CDH12: variants seen among roughly 807,000 people sequenced by gnomAD.
CDH12 encodes the protein cadherin 12.
In CDH12, 41 loss-of-function variants were observed where a neutral mutation model predicts 74.1. That is an observed-to-expected ratio of 0.55 (90% confidence interval 0.43 to 0.72). The LOEUF is 0.72. Ranked by LOEUF, CDH12 falls within the 30% of genes least tolerant of loss-of-function variation. The probability of loss-of-function intolerance (pLI) is 0.00; values close to 1 mark genes in which losing one functional copy is unlikely to be tolerated. For missense variants in CDH12, 945 were observed against 977.2 expected (o/e 0.97, Z 0.44); for synonymous variants, 399 against 355.0 (o/e 1.12, Z -1.39).
chr5:22,102,787 G>A (rs1744220004), intron 4 of CDH12, among the ~76,000 whole-genome samples: 1 of 152,140 alleles, frequency 6.6e-6, no homozygotes, highest in Non-Finnish European at 1.5e-5. Flanking sequence ...GAACTCCGTG[G>A]ATTAATGCAG....
chr5:21,821,357 A>T (rs1279095349), intron 8 of CDH12, among the ~76,000 whole-genome samples: 3 of 152,020 alleles, frequency 2.0e-5, no homozygotes, highest in African/African-American at 7.2e-5. Context: ...CTTTACTTAA[A>T]AATAAAGATT....
chr5:22,210,833 TA>T (rs34486582), intron 4 of CDH12, among the ~76,000 whole-genome samples: 14,611 of 144,014 alleles, frequency 0.1, 1,285 homozygotes, highest in African/African-American at 0.25. Flanking sequence ...TCAAGTTGCT[TA>T]AAAAAAAAAA....
chr5:22,344,066 T>C (rs982715747), intron 3 of CDH12, among the ~76,000 whole-genome samples: 2 of 152,214 alleles, frequency 1.3e-5, no homozygotes, highest in African/African-American at 4.8e-5. Flanking sequence ...AAATGGATTA[T>C]GGTTTTCTGC....
intron 5 of CDH12, among the ~76,000 whole-genome samples, chr5:22,034,947 A>G (rs563988764): frequency 6.6e-6 from 1 of 152,276 alleles, no homozygotes; most frequent in Non-Finnish European, 1.5e-5. Flanking sequence ...GAAATCTACA[A>G]CTTTAGGCAA....
intron 1 of CDH12, among the ~76,000 whole-genome samples, chr5:22,845,165 G>GT (rs1737246589): frequency 6.6e-6 from 1 of 152,014 alleles, no homozygotes. Flanking sequence ...GCAAAAACTT[G>GT]TTTTTTGTAG....
intron 2 of CDH12, among the ~76,000 whole-genome samples, chr5:22,407,488 C>T (rs1362511778): frequency 6.6e-6 from 1 of 152,034 alleles, no homozygotes; most frequent in Non-Finnish European, 1.5e-5. Context: ...TCTAAGTTTT[C>T]TATTACTCTC....
At chr5:22,735,923 C>T (rs1465173307) in intron 1 of CDH12, among the ~76,000 whole-genome samples, 3 of 151,822 alleles carry the variant, frequency 2.0e-5, no homozygotes, top group African/African-American at 7.2e-5. Context: ...AGATTAATAA[C>T]AGAAGCACTA....
intron 11 of CDH12, among the ~76,000 whole-genome samples, chr5:21,780,094 T>C (rs1439820279): frequency 2.6e-5 from 4 of 152,142 alleles, no homozygotes; most frequent in African/African-American, 7.2e-5. Context: ...TGCATATATT[T>C]TGTTAATTTG....
At chr5:21,959,752 C>CAAAAAAAAAA (rs1176227757) in intron 6 of CDH12, among the ~76,000 whole-genome samples, 1 of 80,822 alleles carries the variant, frequency 1.2e-5, no homozygotes, top group African/African-American at 4.5e-5. Context: ...TACTAAAATC[C>CAAAAAAAAAA]AAAAAAAAAA....
At chr5:21,866,615 A>G (rs1386091068) in intron 6 of CDH12, among the ~76,000 whole-genome samples, 6 of 152,188 alleles carry the variant, frequency 3.9e-5, no homozygotes, top group Admixed American at 3.9e-4. Flanking sequence ...AAAGTATTCA[A>G]GAGGTGACTT....
At chr5:22,480,544 C>T (rs1476793716) in intron 2 of CDH12, among the ~76,000 whole-genome samples, 1 of 150,876 alleles carries the variant, frequency 6.6e-6, no homozygotes, top group Non-Finnish European at 1.5e-5. Context: ...GGGATTGTAC[C>T]ACTGCACTCG....
chr5:22,470,869 T>C (rs1437231149), intron 2 of CDH12, among the ~76,000 whole-genome samples: 1 of 151,872 alleles, frequency 6.6e-6, no homozygotes, highest in East Asian at 1.9e-4. Context: ...AGCGCTTTTT[T>C]TTTTTTTTCT....
At chr5:22,796,361 T>C (rs1748209003) in intron 1 of CDH12, among the ~76,000 whole-genome samples, 1 of 152,176 alleles carries the variant, frequency 6.6e-6, no homozygotes, top group Middle Eastern at 3.2e-3. Context: ...ATCTTGTCTT[T>C]TTCATAATAT....
At chr5:22,710,551 TC>T (rs1743234320) in intron 1 of CDH12, among the ~76,000 whole-genome samples, 4 of 152,128 alleles carry the variant, frequency 2.6e-5, no homozygotes, top group Admixed American at 2.6e-4. Flanking sequence ...TATCTCAGCC[TC>T]CTGAGGGTAA....
At chr5:21,911,562 CAT>C (rs892281003) in intron 6 of CDH12, among the ~76,000 whole-genome samples, 6 of 151,974 alleles carry the variant, frequency 3.9e-5, no homozygotes, top group African/African-American at 1.4e-4. Flanking sequence ...TGATTAAAGT[CAT>C]ATATAGCTTA....
chr5:22,019,585 G>A (rs1737833011), intron 5 of CDH12, among the ~76,000 whole-genome samples: 1 of 152,150 alleles, frequency 6.6e-6, no homozygotes, highest in African/African-American at 2.4e-5. Context: ...CATGATGCAT[G>A]GCAAGAAGAT....
At chr5:22,089,111 T>C (rs1246248694) in intron 4 of CDH12, among the ~76,000 whole-genome samples, 1 of 152,098 alleles carries the variant, frequency 6.6e-6, no homozygotes, top group Non-Finnish European at 1.5e-5. Context: ...TATGTGGCCA[T>C]GATTAAAGAT....
chr5:22,650,921 G>A (rs772784986), intron 1 of CDH12, among the ~76,000 whole-genome samples: 2 of 151,946 alleles, frequency 1.3e-5, no homozygotes, highest in African/African-American at 2.4e-5. Flanking sequence ...GGAAACAAAC[G>A]AGAGGCGATA....
intron 11 of CDH12, among the ~76,000 whole-genome samples, chr5:21,773,629 CT>C (rs1247695396): frequency 2.0e-5 from 3 of 152,130 alleles, no homozygotes; most frequent in African/African-American, 7.2e-5. Context: ...GGCTTCCTGG[CT>C]CCTCATCTTG....
Sources: gnomAD v4.1 joint callset for allele counts (sites outside exome capture counted in the v4.1 genomes callset) on GRCh38, gnomAD v4.1.1 for gene constraint, MANE v1.5 for transcripts, NCBI Gene and HGNC (gene_info 2026-07-23, HGNC 2026-07-21) for gene names.